MSANTD2: variants seen among roughly 807,000 people sequenced by gnomAD.
MSANTD2 encodes the protein myb/SANT-like DNA-binding domain-containing protein 2.
Under a neutral mutation model 52.6 loss-of-function variants are expected in MSANTD2, and 19 were observed. The observed-to-expected ratio is 0.36, with a 90% CI of 0.25 to 0.53. The LOEUF is 0.53. Among genes scored for constraint, MSANTD2 ranks in the 20% least tolerant of loss-of-function variants. The pLI, the probability that MSANTD2 is intolerant of heterozygous loss-of-function variation, is 0.91. For missense variants in MSANTD2, 558 were observed against 716.3 expected (o/e 0.78, Z 2.52); for synonymous variants, 291 against 289.7 (o/e 1.00, Z -0.04).
chr11:124,784,125 A>G (rs370944741), intron 1 of MSANTD2: 2 of 984,842 alleles, frequency 2.0e-6, no homozygotes, highest in Non-Finnish European at 2.4e-6. Flanking sequence ...AGATAACACT[A>G]TTTGTCTAGA....
rs201700836 is a variant in MSANTD2 at position 124,774,757 on chromosome 11, C to T, written c.728G>A (p.Ser243Asn). ...DYSQEDWGNH[S>N]QDLHGYPTDQ... ...TGTTGGATAGCCATGGAGATCCTGA[C>T]TGTGGTTTCCCCAGTCCTCCTGTGA... Residue 243 changes from serine (S) to asparagine (N), a missense_variant, in exon 2 of 4, where the codon AGT becomes AAT. This residue lies in a region of MSANTD2 where 408 missense variants were observed against 573.6 expected (regional missense o/e 0.71). Transcript: ENST00000374979. This position sits in a 1 kb window ranked among gnomAD's most constrained non-coding sequence, Gnocchi z 5.1. 4.5e-5 allele frequency: 73 copies of T among 1,614,206 alleles called. No individual in the cohort carries two copies. The Admixed American group carries it at 5.7e-4, about 13-fold the overall frequency.
intron 3 of MSANTD2, among the ~76,000 whole-genome samples, chr11:124,769,504 A>C (rs1944423645): frequency 6.6e-6 from 1 of 152,204 alleles, no homozygotes; most frequent in Non-Finnish European, 1.5e-5. Context: ...TCGATGCTTT[A>C]AAGGAAAATT....
chr11:124,776,012 T>G (rs1042706249), intron 1 of MSANTD2: 4 of 152,000 alleles, frequency 2.6e-5, no homozygotes, highest in Admixed American at 6.5e-5. Context: ...GCAACCAGTC[T>G]CTATCCCATC....
intron 1 of MSANTD2, among the ~76,000 whole-genome samples, chr11:124,785,348 GAA>G (rs1945124686): frequency 1.3e-5 from 2 of 152,348 alleles, no homozygotes; most frequent in South Asian, 2.1e-4. Flanking sequence ...AGTGTCCCTG[GAA>G]AGAGAGTCGG....
chr11:124,791,692 T>C, intron 1 of MSANTD2: 1 of 1,166,246 alleles, frequency 8.6e-7, no homozygotes, highest in Non-Finnish European at 1.3e-6. Context: ...GGCAAGGCTG[T>C]GGCTGGGGAA....
chr11:124,788,097 A>G (rs1945217370), intron 1 of MSANTD2, among the ~76,000 whole-genome samples: 1 of 151,616 alleles, frequency 6.6e-6, no homozygotes, highest in Non-Finnish European at 1.5e-5. Context: ...AAAAAAAAAA[A>G]GCCAATTAAT....
rs993403484 is a variant in MSANTD2, at chr11:124,784,490, C to G, written c.511-9516G>C. On this transcript the variant is annotated intron_variant, in intron 1 of 3. Coordinates refer to ENST00000374979, the MANE Select transcript of MSANTD2 (RefSeq NM_001308027.2). ...CCATGTCTAAAAATTAAACCCCCCC[C>G]CCGCCACCTCAAAAATCCGCACACA... 4.4e-5 allele frequency: 43 copies of G among 984,868 alleles called. No homozygotes were observed. The East Asian group carries it at 6.8e-4, about 16-fold the overall frequency. The allele number at this position is 984,868 out of a possible 1,614,324, so 61.0% of individuals were successfully genotyped here.
At chr11:124,784,254 C>T (rs556737613) in intron 1 of MSANTD2, 7 of 985,330 alleles carry the variant, frequency 7.1e-6, no homozygotes, top group East Asian at 1.1e-4. Flanking sequence ...TAAGTCAGCA[C>T]CTCTTTGAAT....
At chr11:124,784,796 T>C (rs977925266) in intron 1 of MSANTD2, 12 of 411,020 alleles carry the variant, frequency 2.9e-5, no homozygotes, top group Non-Finnish European at 3.6e-5. Flanking sequence ...GCAGATAAAA[T>C]CATACAAAAA....
At chr11:124,790,325 T>G (rs1004099133) in intron 1 of MSANTD2, 1 of 152,264 alleles carries the variant, frequency 6.6e-6, no homozygotes, top group African/African-American at 2.4e-5. Context: ...GTATTTCAGT[T>G]GGTTTTCCTT....
In MSANTD2 at chr11:124,799,717, T is replaced by A. The variant is rs546873303; in HGVS notation, c.510+154A>T. ...GCGGCCATCTGGGAAAAAGCCCCCT[T>A]CCCAGGGAGAGAAGAAAAAGGCGGA... On this transcript the variant is annotated intron_variant, in intron 1 of 3. Coordinates refer to ENST00000374979, the MANE Select transcript of MSANTD2 (RefSeq NM_001308027.2). Among the ~76,000 whole-genome samples, 15 of 152,168 alleles carry A rather than the reference T, an allele frequency of 9.9e-5. No individual in the cohort carries two copies. In the Middle Eastern group the frequency reaches 0.021, roughly 208 times the overall value.
chr11:124,787,490 T>TCTGCCTCAGC (rs1945197788), intron 1 of MSANTD2, among the ~76,000 whole-genome samples: 1 of 152,150 alleles, frequency 6.6e-6, no homozygotes, highest in African/African-American at 2.4e-5. Flanking sequence ...AAGTGATTGT[T>TCTGCCTCAGC]CTGCCTCAGC....
intron 1 of MSANTD2, among the ~76,000 whole-genome samples, chr11:124,785,941 G>A (rs1945144513): frequency 6.6e-6 from 1 of 151,690 alleles, no homozygotes; most frequent in Admixed American, 6.6e-5. Flanking sequence ...ACTAAGACCT[G>A]GTATACTTCT....
At chr11:124,783,215 T>A (rs1304944156) in intron 1 of MSANTD2, among the ~76,000 whole-genome samples, 1 of 152,200 alleles carries the variant, frequency 6.6e-6, no homozygotes, top group Admixed American at 6.5e-5. Context: ...CAGGACTGAA[T>A]CCTATCAGCT....
intron 1 of MSANTD2, chr11:124,784,047 G>T: frequency 1.0e-6 from 1 of 985,238 alleles, no homozygotes; most frequent in Non-Finnish European, 1.2e-6. Flanking sequence ...GGTCAAAAAA[G>T]TAGGGTATAC....
In MSANTD2 at chr11:124,788,037, G is replaced by A. The variant is rs550935001; in HGVS notation, c.510+11834C>T. On this transcript the variant is annotated intron_variant, in intron 1 of 3. Transcript: ENST00000374979. Reference sequence around the variant, plus strand: ...TGAGCCTGGGGAGGTTGAGGTGATCGTGCCACCGCACTCTAGCTTGGGCAA... The same window carrying A: ...TGAGCCTGGGGAGGTTGAGGTGATCATGCCACCGCACTCTAGCTTGGGCAA... Among the ~76,000 whole-genome samples the A allele has an allele frequency of 5.3e-5, 8 of 150,328 alleles. No homozygotes were observed. The East Asian group carries it at 7.8e-4, about 15-fold the overall frequency.
chr11:124,794,491 T>C (rs1406068447), intron 1 of MSANTD2, among the ~76,000 whole-genome samples: 1 of 152,186 alleles, frequency 6.6e-6, no homozygotes, highest in Non-Finnish European at 1.5e-5. Context: ...AGACTAAATA[T>C]ATAAAAAATA....
intron 1 of MSANTD2, chr11:124,791,068 A>G: frequency 1.8e-6 from 1 of 542,382 alleles, no homozygotes; most frequent in Non-Finnish European, 3.3e-6. Flanking sequence ...CACAAGTAGG[A>G]GATGAAGAGA....
chr11:124,791,699 G>T (rs112840128), intron 1 of MSANTD2: 1 of 1,106,872 alleles, frequency 9.0e-7, no homozygotes, highest in Non-Finnish European at 1.3e-6. Context: ...CTGTGGCTGG[G>T]GAAGGGGAAA....
Sources: allele counts gnomAD v4.1 joint callset (sites outside exome capture counted in the v4.1 genomes callset), GRCh38; gene constraint gnomAD v4.1.1; regional missense constraint gnomAD v4.1.1; non-coding constraint Gnocchi (gnomAD v3.1); transcripts MANE v1.5; gene names NCBI Gene and HGNC (gene_info 2026-07-23, HGNC 2026-07-21).